Variants in MAX observed in about 807,000 individuals in gnomAD.
MAX encodes the protein protein max.
A neutral mutation model predicts 22.3 loss-of-function variants in MAX; 3 were observed. The observed-to-expected ratio is 0.13, with a 90% CI of 0.06 to 0.35. The LOEUF is 0.35. Ranked by LOEUF, MAX falls within the 10% of genes least tolerant of loss-of-function variation. The pLI is 1.00. For missense variants in MAX, 119 were observed against 209.4 expected (o/e 0.57, Z 2.66); for synonymous variants, 72 against 77.7 (o/e 0.93, Z 0.39).
intron 3 of MAX, among the ~76,000 whole-genome samples, chr14:65,060,493 G>A (rs1331366553): frequency 3.9e-5 from 5 of 127,906 alleles, no homozygotes; most frequent in Non-Finnish European, 7.6e-5. Context: ...TCAGGAGATC[G>A]AGACCATCCC....
In MAX at chr14:65,012,902, T is replaced by G. The variant is rs1247582570; in HGVS notation, c.172-6618A>C. Among the ~76,000 whole-genome samples the G allele has an allele frequency of 6.6e-6, 1 of 152,204 alleles. No homozygotes were observed. Among genetic ancestry groups the G allele is most frequent in the Non-Finnish European group, 1.5e-5 (1 of 68,036 alleles). ...TTGTAATAAGATCTAATTTCTATAC[T>G]GACTAGAGGACCAGTATAGAGAGTG... On this transcript the variant is annotated intron_variant, in intron 3 of 3. Transcript: ENST00000341653. The surrounding 1 kb of genome is among the most constrained non-coding windows in gnomAD (Gnocchi z 5.0).
intron 3 of MAX, among the ~76,000 whole-genome samples, chr14:65,086,827 C>T (rs1039158245): frequency 2.0e-5 from 3 of 152,200 alleles, no homozygotes; most frequent in Non-Finnish European, 4.4e-5. Flanking sequence ...TGTTAATCCC[C>T]AAGACAATGG....
At chr14:65,074,409 T>A (rs547993654), downstream of MAX, among the ~76,000 whole-genome samples, 2 of 152,198 alleles carry the variant, frequency 1.3e-5, no homozygotes, top group African/African-American at 4.8e-5. Flanking sequence ...CCAGCTCCCA[T>A]TAAACAAAAA....
At position 65,012,368 on chromosome 14, in the gene MAX, A is replaced by G. The variant is rs778042237; in HGVS notation, c.172-6084T>C. ...TCCATTATCTGAAAAGAGGCCTTCGACAACTGACAGATGCCTATGAGGTAA... is the reference window on the plus strand; with the variant it reads ...TCCATTATCTGAAAAGAGGCCTTCGGCAACTGACAGATGCCTATGAGGTAA... On this transcript the variant is annotated intron_variant, in intron 3 of 3. Transcript: ENST00000341653. This position sits in a 1 kb window ranked among gnomAD's most constrained non-coding sequence, Gnocchi z 5.0. 6.2e-7 allele frequency: 1 copy of G among 1,614,192 alleles called. No individual in the cohort carries two copies.
Position 65,088,045 on chromosome 14 carries a change from C to CAATA in MAX, c.171+5662_171+5663insTATT, listed in dbSNP as rs2063388990. Among the ~76,000 whole-genome samples the CAATA allele has an allele frequency of 6.6e-6, 1 of 152,208 alleles. No homozygotes were observed. Among genetic ancestry groups the CAATA allele is most frequent in the African/African-American group, 2.4e-5 (1 of 41,452 alleles). The stretch of plus-strand genomic sequence containing the variant: ...TTTGCCTGCTGCCATCCATGTAAGA[C>CAATA]ATGACTTGCTCCTCCTTGCCTTCGC... On this transcript the variant is annotated intron_variant, in intron 3 of 4. Transcript: ENST00000358664. The surrounding 1 kb of genome is among the most constrained non-coding windows in gnomAD (Gnocchi z 5.2).
chr14:65,074,030 C>T (rs544977105), downstream of MAX, among the ~76,000 whole-genome samples: 21 of 152,306 alleles, frequency 1.4e-4, no homozygotes, highest in South Asian at 1.2e-3. Flanking sequence ...GCTTGACTGC[C>T]CCTTCCTGTT....
intron 3 of MAX, among the ~76,000 whole-genome samples, chr14:65,025,870 A>G (rs1397642221): frequency 6.6e-6 from 1 of 152,184 alleles, no homozygotes; most frequent in East Asian, 1.9e-4. Flanking sequence ...TTCAGTTTCA[A>G]TCCTTGTGTT....
intron 3 of MAX, among the ~76,000 whole-genome samples, chr14:65,019,249 G>C (rs964783841): frequency 6.6e-6 from 1 of 152,086 alleles, no homozygotes; most frequent in African/African-American, 2.4e-5. Context: ...GACTTTGAGA[G>C]GCTGAGACAG....
At chr14:65,026,697 C>G (rs2061988239) in intron 3 of MAX, among the ~76,000 whole-genome samples, 1 of 151,968 alleles carries the variant, frequency 6.6e-6, no homozygotes, top group South Asian at 2.1e-4. Flanking sequence ...CTTGTCTGTA[C>G]TGAAAATACA....
intron 3 of MAX, among the ~76,000 whole-genome samples, chr14:65,056,858 G>A (rs2062747681): frequency 6.6e-6 from 1 of 152,210 alleles, no homozygotes; most frequent in African/African-American, 2.4e-5. Flanking sequence ...AAGACAAGAG[G>A]TTTATTTAGC....
chr14:65,012,308 T>C lies in MAX; in HGVS notation c.172-6024A>G. The C allele has an allele frequency of 6.2e-7, 1 of 1,614,114 alleles. No homozygotes were observed. On this transcript the variant is annotated intron_variant, in intron 3 of 3. Coordinates refer to the MAX transcript ENST00000341653. This position sits in a 1 kb window ranked among gnomAD's most constrained non-coding sequence, Gnocchi z 5.0. ...TTAGAATGGGCTTATAAACTGTTTG[T>C]CTTTCCAGGCTTGTTTTGCAGAGGG... is the stretch of plus-strand genomic sequence containing the variant.
At chr14:65,048,878 G>A (rs2062546025) in intron 3 of MAX, among the ~76,000 whole-genome samples, 1 of 151,950 alleles carries the variant, frequency 6.6e-6, no homozygotes, top group African/African-American at 2.4e-5. Context: ...TGTAATCCCA[G>A]CATTTTGGGA....
At position 65,084,170 on chromosome 14, in the gene MAX, C is replaced by CAATCATTTTTTA; in HGVS notation, c.172-6146_172-6135dup. ...AAGACATTTGTGTAAGGGGTCAAAA[C>CAATCATTTTTTA]AATCATTTTTTAAATCTTGCATTCT... is the stretch of plus-strand genomic sequence containing the variant. On this transcript the variant is annotated intron_variant, in intron 3 of 4. Coordinates refer to ENST00000358664, the MANE Select transcript of MAX (RefSeq NM_002382.5). This position sits in a 1 kb window ranked among gnomAD's most constrained non-coding sequence, Gnocchi z 4.3. 6.2e-7 allele frequency: 1 copy of CAATCATTTTTTA among 1,613,514 alleles called. No individual in the cohort carries two copies. The highest frequency in any genetic ancestry group is 8.5e-7 in the Non-Finnish European group (1 of 1,179,596).
rs2063046867 is a variant in MAX at position 65,075,968 on chromosome 14, A to G, written c.*508T>C. ...ATAGCTTTTTAGAAAAAGGAAAAAA[A>G]AAAAACCCTTAAAAAGGAGGAGGGT... On this transcript the variant is annotated 3_prime_UTR_variant, in exon 5 of 5. Transcript: ENST00000358664. The surrounding 1 kb of genome is among the most constrained non-coding windows in gnomAD (Gnocchi z 4.1). 4.6e-6 allele frequency: 5 copies of G among 1,076,278 alleles called. No homozygotes were observed. The highest frequency in any genetic ancestry group is 4.1e-4 in the Middle Eastern group (1 of 2,432). 66.7% of individuals were successfully genotyped at this position (1,076,278 alleles called of 1,614,324 possible). A position where few individuals can be genotyped will look rare whatever the true frequency, so the allele number is the denominator to read the frequency against.
chr14:65,061,889 G>A (rs923690866), intron 3 of MAX: 2 of 154,824 alleles, frequency 1.3e-5, no homozygotes, highest in African/African-American at 4.8e-5. Flanking sequence ...TCCTTCAGTT[G>A]GGAGTCCTTC....
At chr14:65,061,187 A>G in intron 3 of MAX, 1 of 1,613,992 alleles carries the variant, frequency 6.2e-7, no homozygotes, top group East Asian at 2.2e-5. Flanking sequence ...GCAGCAGCCC[A>G]CTCACCCAGT....
Position 65,044,348 on chromosome 14 carries a change from G to A in MAX, c.172-38064C>T. ...AGCCGGCAGATGCGATTTGAAGGAG[G>A]ATTTCAGGGCCGCTGCAACAAGCTG... On this transcript the variant is annotated intron_variant, in intron 3 of 3. Transcript: ENST00000341653. The surrounding 1 kb of genome is among the most constrained non-coding windows in gnomAD (Gnocchi z 5.5). 6.2e-7 allele frequency: 1 copy of A among 1,613,592 alleles called. No homozygotes were observed. The highest frequency in any genetic ancestry group is 8.5e-7 in the Non-Finnish European group (1 of 1,179,846).
At chr14:65,059,272 A>C (rs2062809406) in intron 3 of MAX, among the ~76,000 whole-genome samples, 1 of 151,604 alleles carries the variant, frequency 6.6e-6, no homozygotes, top group African/African-American at 2.4e-5. Flanking sequence ...ATCCTACCTC[A>C]GCCACCCAAA....
At chr14:65,048,729 C>G (rs1415964825) in intron 3 of MAX, among the ~76,000 whole-genome samples, 1 of 152,080 alleles carries the variant, frequency 6.6e-6, no homozygotes, top group Non-Finnish European at 1.5e-5. Flanking sequence ...GTGGCACATG[C>G]CTGTAGTCCT....
Sources: gnomAD v4.1 joint callset for allele counts (sites outside exome capture counted in the v4.1 genomes callset) on GRCh38, gnomAD v4.1.1 for gene constraint, Gnocchi (gnomAD v3.1) non-coding constraint, MANE v1.5 for transcripts, NCBI Gene and HGNC (gene_info 2026-07-23, HGNC 2026-07-21) for gene names.